LRP1: variants seen among roughly 807,000 people sequenced by gnomAD.
LRP1 encodes LDL receptor related protein 1, also known as prolow-density lipoprotein receptor-related protein 1.
Under a neutral mutation model 541.5 loss-of-function variants are expected in LRP1, and 51 were observed. The ratio of observed to expected loss-of-function variants is 0.09; its 90% CI spans 0.08 to 0.12. The LOEUF is 0.12. LRP1 is among the 10% of genes least tolerant of loss of function. The pLI, the probability that LRP1 is intolerant of heterozygous loss-of-function variation, is 1.00. For missense variants in LRP1, 3,878 were observed against 6,376.2 expected, an observed-to-expected ratio of 0.61 and a Z score of 13.34; for synonymous variants, 2,219 against 2,470.8, an observed-to-expected ratio of 0.90 and a Z score of 3.02.
chr12:57,201,808 C>T lies in LRP1; in HGVS notation c.10497C>T (p.Phe3499=). 1.2e-6 allele frequency: 2 copies of T among 1,614,096 alleles called. No individual in the cohort carries two copies. Among genetic ancestry groups the T allele is most frequent in the Middle Eastern group, 1.7e-4 (1 of 6,060 alleles). Residue 3499 remains phenylalanine, a synonymous_variant, in exon 67 of 89, where the codon TTC becomes TTT. Coordinates refer to ENST00000243077, the MANE Select transcript of LRP1 (RefSeq NM_002332.3). The surrounding 1 kb of genome is among the most constrained non-coding windows in gnomAD (Gnocchi z 6.4). ...CTQMTCGVDE[F]RCKDSGRCIP... Reference sequence around the variant, plus strand: ...AGATGACCTGTGGTGTGGACGAGTTCCGCTGCAAGGATTCGGGCCGCTGCA... The same window carrying T: ...AGATGACCTGTGGTGTGGACGAGTTTCGCTGCAAGGATTCGGGCCGCTGCA...
In LRP1 at chr12:57,201,546, G is replaced by C. The variant is rs1386992805; in HGVS notation, c.10395G>C (p.Arg3465=). 1 of 1,614,080 alleles carries C rather than the reference G, an allele frequency of 6.2e-7. No homozygotes were observed. The highest frequency in any genetic ancestry group is 8.5e-7 in the Non-Finnish European group (1 of 1,180,008). Residue 3465 remains arginine, a synonymous_variant, in exon 66 of 89, where the codon CGG becomes CGC. Coordinates refer to ENST00000243077, the MANE Select transcript of LRP1 (RefSeq NM_002332.3). This position sits in a 1 kb window ranked among gnomAD's most constrained non-coding sequence, Gnocchi z 6.4. ...PNQFQCSITK[R]CIPRVWVCDR... Reference sequence around the variant, plus strand: ...AGTTCCAGTGCTCCATTACCAAACGGTGCATCCCCCGGGTCTGGGTCTGCG... The same window carrying C: ...AGTTCCAGTGCTCCATTACCAAACGCTGCATCCCCCGGGTCTGGGTCTGCG...
At chr12:57,210,694 C>T (rs559710791) in intron 82 of LRP1, 24 bp from the exon 83 acceptor site, 24 of 1,596,952 alleles carry the variant, frequency 1.5e-5, no homozygotes, top group Middle Eastern at 1.7e-4. Flanking sequence ...GCCACAGTCG[C>T]GCTCACACAT....
At chr12:57,133,162 G>T (rs1239827828) in intron 1 of LRP1, among the ~76,000 whole-genome samples, 1 of 152,140 alleles carries the variant, frequency 6.6e-6, no homozygotes, top group Non-Finnish European at 1.5e-5. Context: ...AGTGAGTCAA[G>T]AACTTGGAGC....
intron 19 of LRP1, 75 bp from the exon 20 acceptor site, chr12:57,169,065 G>A: frequency 5.0e-6 from 7 of 1,396,972 alleles, no homozygotes; most frequent in Non-Finnish European, 7.0e-6. Context: ...TGGGCAGGGG[G>A]CCCAAGCTGG....
At chr12:57,180,857 C>G in intron 33 of LRP1, 50 bp downstream of exon 33, 6 of 1,605,580 alleles carry the variant, frequency 3.7e-6, no homozygotes, top group Non-Finnish European at 5.1e-6. Context: ...AACAGGGGAG[C>G]CGTCCAGAGC....
Position 57,203,168 on chromosome 12 carries a change from C to T in LRP1, c.10712-13C>T, listed in dbSNP as rs755781351. On this transcript the variant is annotated splice_polypyrimidine_tract_variant and intron_variant, in intron 68 of 88. Transcript: ENST00000243077. ...CCCACCCTCCTGGGCCTGTCTCCCC[C>T]TGTCCTTCCCAGCCCCTCGGCCCTG... 6.4e-7 allele frequency: 1 copy of T among 1,555,752 alleles called. No homozygotes were observed. The highest frequency in any genetic ancestry group is 1.4e-5 in the African/African-American group (1 of 74,008).
At chr12:57,167,638 T>C (rs1389572714) in intron 19 of LRP1, 114 bp downstream of exon 19, 1 of 820,638 alleles carries the variant, frequency 1.2e-6, no homozygotes, top group African/African-American at 1.7e-5. Flanking sequence ...TCCAGGACAC[T>C]GAATCCCTGC....
intron 42 of LRP1, among the ~76,000 whole-genome samples, chr12:57,187,803 C>G (rs550496432): frequency 3.9e-5 from 6 of 152,152 alleles, no homozygotes; most frequent in Non-Finnish European, 8.8e-5. Flanking sequence ...GAATGTTTGT[C>G]GAACCCTTCG....
intron 42 of LRP1, among the ~76,000 whole-genome samples, chr12:57,190,328 G>A (rs984800531): frequency 6.6e-6 from 1 of 152,238 alleles, no homozygotes; most frequent in Non-Finnish European, 1.5e-5. Context: ...TACTCACATA[G>A]TGTGTGCCAT....
rs1302994485 is a variant in LRP1, at chr12:57,199,997, C to T, written c.9986C>T (p.Thr3329Ile). 1 of 1,597,008 alleles carries T rather than the reference C, an allele frequency of 6.3e-7. No individual in the cohort carries two copies. Among genetic ancestry groups the T allele is most frequent in the East Asian group, 2.3e-5 (1 of 44,244 alleles). The change falls in exon 62 of 89, where the codon ACC (threonine) becomes ATC (isoleucine). Residue 3329 changes from threonine (T) to isoleucine (I), a missense_variant. Transcript: ENST00000243077. The part of the protein sequence containing the change: ...TNFYLGSDGR[T>I]CVSNCTASQF... ...TTCTACCTGGGCAGCGATGGGCGCA[C>T]CTGTGTGTCCAACTGCACGGCTAGC...
At chr12:57,139,774 C>T (rs767934277) in intron 2 of LRP1, among the ~76,000 whole-genome samples, 2 of 152,196 alleles carry the variant, frequency 1.3e-5, no homozygotes, top group African/African-American at 2.4e-5. Flanking sequence ...ACACTCTATA[C>T]TCAGAGAGAT....
rs1217019567 is a variant in LRP1 at position 57,201,418 on chromosome 12, G to A, written c.10346-79G>A. 9.1e-6 allele frequency: 14 copies of A among 1,541,766 alleles called. No individual in the cohort carries two copies. Among genetic ancestry groups the A allele is most frequent in the South Asian group, 2.5e-5 (2 of 79,392 alleles). On this transcript the variant is annotated intron_variant, in intron 65 of 88. Transcript: ENST00000243077. The surrounding 1 kb of genome is among the most constrained non-coding windows in gnomAD (Gnocchi z 6.4). ...GCTGGCAGGACCAAGGCCAGGGCTT[G>A]GAAGAGAGAGAAGACAGTGATGGTG...
At position 57,145,485 on chromosome 12, in the gene LRP1, T is replaced by C. The variant is rs542050760; in HGVS notation, c.836T>C (p.Leu279Pro). ...DEHTINISLS[L>P]HHVEQMAIDW... ...CACACCATCAACATCTCCCTCAGTC[T>C]GCACCGTGAGTCACCTGCTCTCAGC... Residue 279 changes from leucine to proline, a missense_variant, in exon 6 of 89, where the codon CTG becomes CCG. Physicochemically the swap from Leu to Pro is moderately conservative, Grantham distance 98. Around this residue, in one of 13 missense-constraint regions of LRP1, gnomAD observed 293 missense variants for 403.7 expected, o/e 0.73. Transcript: ENST00000243077. 2 of 1,612,860 alleles carry C rather than the reference T, an allele frequency of 1.2e-6. No homozygotes were observed. Among genetic ancestry groups the C allele is most frequent in the Admixed American group, 3.3e-5 (2 of 60,012 alleles).
chr12:57,181,882 AT>A, intron 34 of LRP1, among the ~76,000 whole-genome samples: 2 of 152,306 alleles, frequency 1.3e-5, no homozygotes, highest in East Asian at 3.9e-4. Flanking sequence ...CTGCTAACTG[AT>A]TTATGAGCTT....
chr12:57,211,669 G>A lies in LRP1; in HGVS notation c.13193+81G>A. On this transcript the variant is annotated intron_variant, in intron 85 of 88. Transcript: ENST00000243077. The surrounding 1 kb of genome is among the most constrained non-coding windows in gnomAD (Gnocchi z 4.3). ...TGAGCAGGAGGACCGTCAGGCCTCA[G>A]TGCCCACCCCCCGCCCTGTTTTCCT... The A allele has an allele frequency of 6.3e-7, 1 of 1,586,038 alleles. No homozygotes were observed. The highest frequency in any genetic ancestry group is 8.6e-7 in the Non-Finnish European group (1 of 1,156,342).
chr12:57,153,351 T>C (rs1040292627), intron 6 of LRP1, among the ~76,000 whole-genome samples: 15 of 152,156 alleles, frequency 9.9e-5, no homozygotes, highest in African/African-American at 3.6e-4. Context: ...TGGCTCTTCT[T>C]GGCTTCTTCC....
At position 57,201,679 on chromosome 12, in the gene LRP1, C is replaced by G. The variant is rs1412911914; in HGVS notation, c.10468+60C>G. 1 of 1,595,858 alleles carries G rather than the reference C, an allele frequency of 6.3e-7. No homozygotes were observed. Among genetic ancestry groups the G allele is most frequent in the Non-Finnish European group, 8.6e-7 (1 of 1,167,560 alleles). ...CCAGTGTCTGCTGCTCACACCACCC[C>G]GACGTGTGACCCCCTCAGTGGCTGC... On this transcript the variant is annotated intron_variant, in intron 66 of 88. Coordinates refer to ENST00000243077, the MANE Select transcript of LRP1 (RefSeq NM_002332.3). This position sits in a 1 kb window ranked among gnomAD's most constrained non-coding sequence, Gnocchi z 6.4.
chr12:57,160,866 G>C (rs2035715537), intron 12 of LRP1, 27 bp from the exon 13 acceptor site: 1 of 1,591,352 alleles, frequency 6.3e-7, no homozygotes. Flanking sequence ...GGGTGCCCAG[G>C]TGATGCTGAC....
rs757890683 is a variant in LRP1, at chr12:57,197,124, C to A, written c.9035C>A (p.Ala3012Glu). ...AAGTGTCTGTGTGTGGAGGGCTATG[C>A]ACCCCGCGGCGGCGACCCCCACAGC... Reference protein sequence around the residue: ...SYKCLCVEGYAPRGGDPHSCK... With the variant: ...SYKCLCVEGYEPRGGDPHSCK... The change falls in exon 56 of 89, where the codon GCA becomes GAA. Residue 3012 changes from alanine (A) to glutamate (E), a missense_variant. By Grantham distance (107) the Ala-to-Glu change is moderately radical. Transcript: ENST00000243077. The surrounding 1 kb of genome is among the most constrained non-coding windows in gnomAD (Gnocchi z 4.5). The A allele has an allele frequency of 8.7e-6, 14 of 1,613,846 alleles. No homozygotes were observed. The highest frequency in any genetic ancestry group is 1.2e-5 in the Non-Finnish European group (14 of 1,180,028).
Sources: gnomAD v4.1 joint callset for allele counts (sites outside exome capture counted in the v4.1 genomes callset) on GRCh38, gnomAD v4.1.1 for gene constraint, gnomAD v4.1.1 regional missense constraint, Gnocchi (gnomAD v3.1) non-coding constraint, MANE v1.5 for transcripts, NCBI Gene and HGNC (gene_info 2026-07-23, HGNC 2026-07-21) for gene names.